Variants in RAD50 observed in about 807,000 individuals in gnomAD.
RAD50 encodes DNA repair protein RAD50.
A neutral mutation model predicts 168.8 loss-of-function variants in RAD50; 132 were observed. The observed-to-expected ratio is 0.78, with a 90% CI of 0.68 to 0.90. The LOEUF (loss-of-function observed/expected upper bound fraction) is 0.90, where lower values mean the gene tolerates loss of function less well. Among genes scored for constraint, RAD50 ranks in the 40% least tolerant of loss-of-function variants. The pLI is 0.00. For synonymous variants in RAD50, 525 were observed against 497.4 expected, an observed-to-expected ratio of 1.06 and a Z score of -0.74; for missense variants, 1,347 against 1,534.4, an observed-to-expected ratio of 0.88 and a Z score of 2.04.
chr5:132,563,243 G>A (rs994203496), intron 2 of RAD50, among the ~76,000 whole-genome samples: 14 of 152,170 alleles, frequency 9.2e-5, no homozygotes, highest in African/African-American at 2.7e-4. Flanking sequence ...AAACATTGAT[G>A]CAGGAGAGGG....
chr5:132,600,321 G>A (rs763359478), intron 13 of RAD50, among the ~76,000 whole-genome samples: 2 of 152,306 alleles, frequency 1.3e-5, no homozygotes, highest in Non-Finnish European at 2.9e-5. Context: ...GAGGGGACTT[G>A]ATGAAGGTGG....
At chr5:132,611,752 A>G (rs187378985) in intron 19 of RAD50, among the ~76,000 whole-genome samples, 9 of 150,824 alleles carry the variant, frequency 6.0e-5, no homozygotes, top group Admixed American at 4.0e-4. Context: ...CAAGATTCAC[A>G]TTGTGTCAAT....
chr5:132,567,090 G>C (rs1465948219), intron 2 of RAD50, among the ~76,000 whole-genome samples: 1 of 152,102 alleles, frequency 6.6e-6, no homozygotes, highest in Non-Finnish European at 1.5e-5. Flanking sequence ...CAAAGTGCCT[G>C]TAAATATTTG....
chr5:132,627,845 G>A (rs1399215952), intron 21 of RAD50, among the ~76,000 whole-genome samples: 1 of 152,170 alleles, frequency 6.6e-6, no homozygotes, highest in African/African-American at 2.4e-5. Flanking sequence ...GACTGATGAG[G>A]AGACTTGTAG....
At chr5:132,581,723 G>A (rs1580988724) in intron 5 of RAD50, among the ~76,000 whole-genome samples, 1 of 152,160 alleles carries the variant, frequency 6.6e-6, no homozygotes. Flanking sequence ...ATGAATCGGG[G>A]TCAGATTATA....
At chr5:132,559,426 A>G in intron 2 of RAD50, 59 bp downstream of exon 2, 4 of 1,528,884 alleles carry the variant, frequency 2.6e-6, no homozygotes, top group South Asian at 2.5e-5. Flanking sequence ...ATAGCTTATT[A>G]TAGAAAACTT....
intron 21 of RAD50, among the ~76,000 whole-genome samples, chr5:132,628,972 G>A (rs1561655164): frequency 6.6e-6 from 1 of 152,182 alleles, no homozygotes; most frequent in Non-Finnish European, 1.5e-5. Flanking sequence ...AAGTTAAATA[G>A]GCAGGTTGGT....
intron 19 of RAD50, among the ~76,000 whole-genome samples, chr5:132,613,785 T>TG (rs1454283116): frequency 6.6e-6 from 1 of 151,366 alleles, no homozygotes; most frequent in Non-Finnish European, 1.5e-5. Context: ...TTAGTAGAGG[T>TG]GGGGTTTCAC....
chr5:132,614,839 A>C (rs1751148804), intron 19 of RAD50, among the ~76,000 whole-genome samples: 3 of 152,136 alleles, frequency 2.0e-5, no homozygotes, highest in Admixed American at 6.5e-5. Context: ...AAGAAAAAAA[A>C]AACTCTAAAA....
chr5:132,643,647 T>A lies in RAD50; in HGVS notation c.*1283T>A, dbSNP rs1172466728. ...TTTCTAGAACCCGTGACTGTTACTT[T>A]ATACAGCAAAGGAAACTTTGCAGAT... On this transcript the variant is annotated 3_prime_UTR_variant, in exon 25 of 25. Coordinates refer to ENST00000378823, the MANE Select transcript of RAD50 (RefSeq NM_005732.4). 2 of 195,988 alleles carry A rather than the reference T, an allele frequency of 1.0e-5. No homozygotes were observed. The highest frequency in any genetic ancestry group is 2.0e-5 in the Non-Finnish European group (2 of 97,776). The allele number at this position is 195,988 out of a possible 1,614,324, so 12.1% of individuals were successfully genotyped here.
chr5:132,589,399 A>G (rs930825865), intron 8 of RAD50, among the ~76,000 whole-genome samples: 1 of 152,228 alleles, frequency 6.6e-6, no homozygotes, highest in Admixed American at 6.5e-5. Flanking sequence ...AGGCTATACC[A>G]TATAGTCTAT....
intron 21 of RAD50, among the ~76,000 whole-genome samples, chr5:132,628,313 A>G (rs1281101185): frequency 6.6e-6 from 1 of 152,228 alleles, no homozygotes; most frequent in Non-Finnish European, 1.5e-5. Context: ...TATGTTTGCA[A>G]ATCCAGTAAA....
chr5:132,565,867 T>C (rs1015398203), intron 2 of RAD50, among the ~76,000 whole-genome samples: 4 of 152,244 alleles, frequency 2.6e-5, no homozygotes, highest in African/African-American at 9.6e-5. Context: ...TCTGATACCA[T>C]TGGACTCTTG....
intron 13 of RAD50, 110 bp from the exon 14 acceptor site, chr5:132,603,190 C>A: frequency 1.0e-6 from 1 of 994,808 alleles, no homozygotes; most frequent in South Asian, 1.5e-5. Flanking sequence ...ATATGATACC[C>A]TGAAAAGAAC....
At chr5:132,637,228 T>A in intron 22 of RAD50, 28 bp downstream of exon 22, 1 of 1,604,460 alleles carries the variant, frequency 6.2e-7, no homozygotes, top group Non-Finnish European at 8.5e-7. Flanking sequence ...TCACAAATGC[T>A]CTTTCCAAAG....
intron 3 of RAD50, 119 bp downstream of exon 3, chr5:132,576,047 T>TA: frequency 4.7e-6 from 5 of 1,067,024 alleles, no homozygotes; most frequent in Non-Finnish European, 6.5e-6. Context: ...CAATAGACTT[T>TA]AGACTTTATT....
chr5:132,620,080 C>A (rs1382647257), intron 21 of RAD50, among the ~76,000 whole-genome samples: 2 of 151,494 alleles, frequency 1.3e-5, no homozygotes, highest in Non-Finnish European at 2.9e-5. Flanking sequence ...AATTTTATTG[C>A]ATTTTTAGTA....
At chr5:132,600,063 A>T (rs538171964) in intron 13 of RAD50, 1 of 152,342 alleles carries the variant, frequency 6.6e-6, no homozygotes, top group African/African-American at 2.4e-5. Context: ...CACCTTTAGA[A>T]TATGCCCTTG....
At chr5:132,570,928 T>TG (rs1221801628) in intron 2 of RAD50, among the ~76,000 whole-genome samples, 1 of 152,230 alleles carries the variant, frequency 6.6e-6, no homozygotes, top group Admixed American at 6.5e-5. Flanking sequence ...GTTTGACTCT[T>TG]CTTTCGCTTA....
Sources: gnomAD v4.1 joint callset for allele counts (sites outside exome capture counted in the v4.1 genomes callset) on GRCh38, gnomAD v4.1.1 for gene constraint, MANE v1.5 for transcripts, NCBI Gene and HGNC (gene_info 2026-07-23, HGNC 2026-07-21) for gene names.